The following SSH2 variants were observed in gnomAD, a reference collection of about 807,000 sequenced individuals.
SSH2 encodes the protein slingshot protein phosphatase 2.
Under a neutral mutation model 135.2 loss-of-function variants are expected in SSH2, and 37 were observed. That is an observed-to-expected ratio of 0.27 (90% CI 0.21 to 0.36). The LOEUF is 0.36. Among genes scored for constraint, SSH2 ranks in the 10% least tolerant of loss-of-function variants. SSH2 has a pLI of 1.00. For synonymous variants in SSH2, 628 were observed against 646.2 expected (o/e 0.97, Z 0.43); for missense variants, 1,408 against 1,765.3 (o/e 0.80, Z 3.63).
intron 3 of SSH2, chr17:29,716,721 G>GA: frequency 1.8e-6 from 1 of 563,466 alleles, no homozygotes; most frequent in Non-Finnish European, 3.4e-6. Context: ...AGTTCCGGCT[G>GA]AAAGTCTAAG....
chr17:29,885,587 T>C (rs568034044), intron 1 of SSH2, among the ~76,000 whole-genome samples: 1 of 152,244 alleles, frequency 6.6e-6, no homozygotes, highest in African/African-American at 2.4e-5. Context: ...GGAGTGGAGA[T>C]TGAGTCAGTT....
chr17:29,884,682 C>G (rs965994335), intron 1 of SSH2, among the ~76,000 whole-genome samples: 1 of 152,198 alleles, frequency 6.6e-6, no homozygotes, highest in African/African-American at 2.4e-5. Flanking sequence ...TCAGCCCAAC[C>G]AAGCTCAAAG....
intron 2 of SSH2, among the ~76,000 whole-genome samples, chr17:29,840,242 G>A (rs955332452): frequency 1.3e-5 from 2 of 152,120 alleles, no homozygotes; most frequent in Non-Finnish European, 2.9e-5. Context: ...AAATTTGGCC[G>A]AGGCTCCTTG....
intron 2 of SSH2, among the ~76,000 whole-genome samples, chr17:29,814,217 C>T (rs915647726): frequency 4.7e-5 from 7 of 147,900 alleles, no homozygotes; most frequent in Non-Finnish European, 1.0e-4. Flanking sequence ...GGGCGGATCA[C>T]CAGGTCAGGA....
In SSH2 at chr17:29,679,832, TAGTGTCTA is replaced by T. The variant is rs1191691871; in HGVS notation, c.480-2099_480-2092del. On this transcript the variant is annotated intron_variant, in intron 6 of 15. Transcript: ENST00000540801. ...TTAAATAACAAATAAAAGAGTAAAA[TAGTGTCTA>T]AGTGCCTAAAATGTAATAGTCATTA... is the stretch of plus-strand genomic sequence containing the variant. Among the ~76,000 whole-genome samples, 3 of 152,328 alleles carry T rather than the reference TAGTGTCTA, an allele frequency of 2.0e-5. No individual in the cohort carries two copies. In the East Asian group the frequency reaches 5.8e-4, roughly 29 times the overall value.
chr17:29,632,567 T>C lies in SSH2; in HGVS notation c.2627A>G (p.Glu876Gly). The change falls in exon 16 of 16, where the codon GAG (glutamate) becomes GGG (glycine). Residue 876 changes from glutamate (E) to glycine (G), a missense_variant. This residue lies in a region of SSH2 where 1,080 missense variants were observed against 1,144.5 expected (regional missense o/e 0.94). Coordinates refer to ENST00000540801, the MANE Select transcript of SSH2 (RefSeq NM_001282129.2). ...TGGGTGCATCCCTGAGCCCTGGAGC[T>C]CTTGTTCCCCCTCAGCTGGTTCCCC... ...EEGEPAEGEQ[E>G]LQGSGMHPGA... The C allele has an allele frequency of 6.2e-7, 1 of 1,614,188 alleles. No individual in the cohort carries two copies. The highest frequency in any genetic ancestry group is 2.2e-5 in the East Asian group (1 of 44,870).
intron 3 of SSH2, among the ~76,000 whole-genome samples, chr17:29,704,200 T>C (rs1421662964): frequency 6.6e-6 from 1 of 152,216 alleles, no homozygotes; most frequent in African/African-American, 2.4e-5. Flanking sequence ...ATTTAGCTAC[T>C]AGTAATAGGT....
Position 29,888,931 on chromosome 17 carries a change from CAAAAAAAAAAAAAAAAA to C in SSH2, c.64-40019_64-40003del, listed in dbSNP as rs1175371440. Among the ~76,000 whole-genome samples, 8 of 42,082 alleles carry C rather than the reference CAAAAAAAAAAAAAAAAA, an allele frequency of 1.9e-4. No individual in the cohort carries two copies. In the East Asian group the frequency reaches 5.5e-3, roughly 29 times the overall value. The allele number at this position is 42,082 out of a possible 152,430, so 27.6% of individuals were successfully genotyped here. ...TAGGTGAAAGAGTGAGACACTATCT[CAAAAAAAAAAAAAAAAA>C]AAAAAAAAAGGAAAGAAAAGAAAAA... On this transcript the variant is annotated intron_variant, in intron 1 of 15. Transcript: ENST00000540801.
intron 3 of SSH2, among the ~76,000 whole-genome samples, chr17:29,712,729 G>A (rs1168556807): frequency 1.3e-5 from 2 of 152,128 alleles, no homozygotes; most frequent in South Asian, 2.1e-4. Flanking sequence ...GCTTGAATCC[G>A]GGAGGTGGAA....
In SSH2 at chr17:29,648,544, T is replaced by C. The variant is rs367886989; in HGVS notation, c.1227-200A>G. 2.0e-5 allele frequency among the ~76,000 whole-genome samples: 3 copies of C among 152,374 alleles called. No individual in the cohort carries two copies. In the South Asian group the frequency reaches 6.2e-4, roughly 32 times the overall value. On this transcript the variant is annotated intron_variant, in intron 13 of 15. Transcript: ENST00000540801. The stretch of plus-strand genomic sequence containing the variant: ...GAGTGAGGCAGCTCACTACTAATTA[T>C]TCAATGTTAATATTATGCTTCTTTA...
At chr17:29,673,447 G>T (rs749555957) in intron 8 of SSH2, among the ~76,000 whole-genome samples, 1 of 151,974 alleles carries the variant, frequency 6.6e-6, no homozygotes, top group Non-Finnish European at 1.5e-5. Context: ...GCACATGCCT[G>T]TAGTCCTAGG....
At chr17:29,652,351 GAACATTA>G (rs2036611843) in intron 12 of SSH2, among the ~76,000 whole-genome samples, 1 of 152,100 alleles carries the variant, frequency 6.6e-6, no homozygotes, top group Non-Finnish European at 1.5e-5. Flanking sequence ...GTTAGTTGAT[GAACATTA>G]GTGATTTCTA....
chr17:29,684,219 C>T (rs564221358), intron 6 of SSH2, among the ~76,000 whole-genome samples: 3 of 151,978 alleles, frequency 2.0e-5, no homozygotes, highest in East Asian at 3.9e-4. Flanking sequence ...CGGTGGCTCA[C>T]GCCTGTAATC....
At position 29,631,400 on chromosome 17, in the gene SSH2, A is replaced by G. The variant is rs943779822; in HGVS notation, c.3794T>C (p.Ile1265Thr). The change falls in exon 16 of 16, where the codon ATC becomes ACC. Residue 1265 changes from isoleucine to threonine, a missense_variant. Physicochemically the swap from Ile to Thr is moderately conservative, Grantham distance 89. Around this residue, in one of 3 missense-constraint regions of SSH2, gnomAD observed 1,080 missense variants for 1,144.5 expected, o/e 0.94. Coordinates refer to ENST00000540801, the MANE Select transcript of SSH2 (RefSeq NM_001282129.2). ...TGCCTGGAAAACCACTCGAGACTCG[A>G]TTTCTTTAGCACGCTCCTTCACCAC... Reference protein sequence around the residue: ...PGVVKERAKEIESRVVFQAGL... With the variant: ...PGVVKERAKETESRVVFQAGL... 1.2e-6 allele frequency: 2 copies of G among 1,613,918 alleles called. No individual in the cohort carries two copies. The highest frequency in any genetic ancestry group is 1.7e-6 in the Non-Finnish European group (2 of 1,180,016).
intron 2 of SSH2, among the ~76,000 whole-genome samples, chr17:29,822,267 A>G (rs932937002): frequency 1.3e-5 from 2 of 152,180 alleles, no homozygotes; most frequent in African/African-American, 2.4e-5. Flanking sequence ...AGTTAAGCAA[A>G]TTTTAAGATA....
At chr17:29,729,980 G>A (rs1030871819) in intron 3 of SSH2, among the ~76,000 whole-genome samples, 2 of 152,074 alleles carry the variant, frequency 1.3e-5, no homozygotes, top group Non-Finnish European at 2.9e-5. Flanking sequence ...TGATAGCACA[G>A]CAGGGTGACT....
chr17:29,730,087 G>A (rs1268354707), intron 3 of SSH2, among the ~76,000 whole-genome samples: 1 of 152,094 alleles, frequency 6.6e-6, no homozygotes, highest in East Asian at 1.9e-4. Flanking sequence ...GGGAGAGGCT[G>A]AGATGGGCAA....
intron 5 of SSH2, among the ~76,000 whole-genome samples, chr17:29,687,684 A>G (rs1484318280): frequency 6.6e-6 from 1 of 152,166 alleles, no homozygotes; most frequent in Non-Finnish European, 1.5e-5. Context: ...TATAAACAAG[A>G]TCTCGCATAT....
chr17:29,674,232 T>C, intron 8 of SSH2: 1 of 451,532 alleles, frequency 2.2e-6, no homozygotes, highest in Non-Finnish European at 4.5e-6. Flanking sequence ...CCATTTTTAT[T>C]AGGAAAACAC....
Sources: allele counts gnomAD v4.1 joint callset (sites outside exome capture counted in the v4.1 genomes callset), GRCh38; gene constraint gnomAD v4.1.1; regional missense constraint gnomAD v4.1.1; transcripts MANE v1.5; gene names NCBI Gene and HGNC (gene_info 2026-07-23, HGNC 2026-07-21).